Variants in PPP6R1 observed in about 807,000 individuals in gnomAD.
PPP6R1 encodes the protein serine/threonine-protein phosphatase 6 regulatory subunit 1.
A neutral mutation model predicts 104.6 loss-of-function variants in PPP6R1; 39 were observed. The observed-to-expected ratio is 0.37, with a 90% CI of 0.29 to 0.49. The LOEUF (loss-of-function observed/expected upper bound fraction) is 0.49. PPP6R1 is among the 20% of genes least tolerant of loss of function. PPP6R1 has a pLI of 0.98. For synonymous variants in PPP6R1, 549 were observed against 479.0 expected, an observed-to-expected ratio of 1.15 and a Z score of -1.91; for missense variants, 1,181 against 1,155.8, an observed-to-expected ratio of 1.02 and a Z score of -0.32.
Position 55,246,891 on chromosome 19 carries a change from C to T in PPP6R1, c.213G>A (p.Glu71=). Residue 71 remains glutamate, a synonymous_variant, in exon 2 of 24, where the codon GAG becomes GAA. Coordinates refer to ENST00000412770, the MANE Select transcript of PPP6R1 (RefSeq NM_014931.4). ...GGGGAACTCACTTGTAGCGCAGCCG[C>T]TCCTCACCGCTATCTGGCGGCTCCT... ...VTQEPPDSGE[E]RLRYKYPSVA... is the part of the protein sequence containing the mutation. 1 of 1,606,846 alleles carries T rather than the reference C, an allele frequency of 6.2e-7. No homozygotes were observed. Among genetic ancestry groups the T allele is most frequent in the African/African-American group, 1.3e-5 (1 of 74,940 alleles).
intron 5 of PPP6R1, among the ~76,000 whole-genome samples, chr19:55,244,016 T>C (rs1172418828): frequency 6.6e-6 from 1 of 152,198 alleles, no homozygotes; most frequent in Non-Finnish European, 1.5e-5. Context: ...CGCTGAATCG[T>C]AAGCTTCGGT....
rs1439099063 is a variant in PPP6R1, at chr19:55,231,997, G to A, written c.2126-15C>T. 5 of 1,604,966 alleles carry A rather than the reference G, an allele frequency of 3.1e-6. No homozygotes were observed. The highest frequency in any genetic ancestry group is 3.4e-6 in the Non-Finnish European group (4 of 1,174,180). On this transcript the variant is annotated splice_polypyrimidine_tract_variant and intron_variant, in intron 18 of 23. Transcript: ENST00000412770. ...CCAGCTGGGGCCTGGGATAGAGGTG[G>A]GGGAGCGGGATGGAGGGTGAACTCA...
In PPP6R1 at chr19:55,245,071, TG is replaced by T; in HGVS notation, c.618+48del. On this transcript the variant is annotated intron_variant, in intron 5 of 23. Transcript: ENST00000412770. The surrounding 1 kb of genome is among the most constrained non-coding windows in gnomAD (Gnocchi z 6.4). ...TCTTTTAAAAGTGGGGAAGTGGGCA[TG>T]GGGAAGGAACTCTAAGGGGAATCCG... 2 of 1,600,212 alleles carry T rather than the reference TG, an allele frequency of 1.2e-6. No individual in the cohort carries two copies. Among genetic ancestry groups the T allele is most frequent in the South Asian group, 1.1e-5 (1 of 88,962 alleles).
At chr19:55,240,514 TACACACACACACACACACACACAC>T (rs777717878) in intron 10 of PPP6R1, among the ~76,000 whole-genome samples, 2 of 135,932 alleles carry the variant, frequency 1.5e-5, no homozygotes, top group South Asian at 2.5e-4. Flanking sequence ...ATGTGGTGCA[TACACACACACACACACACACACAC>T]ACACACACAC....
At chr19:55,228,336 C>T (rs1337310136), downstream of PPP6R1, 1 of 1,613,916 alleles carries the variant, frequency 6.2e-7, no homozygotes, top group South Asian at 1.1e-5. Context: ...GGCACTTGAC[C>T]AGGGCAGCGA....
chr19:55,230,747 C>T (rs772332729), intron 22 of PPP6R1, 27 bp downstream of exon 22: 9 of 1,465,312 alleles, frequency 6.1e-6, no homozygotes, highest in South Asian at 1.3e-5. Context: ...CACCCCCACC[C>T]CCCCGCCCTG....
At chr19:55,242,808 C>A (rs541050077) in intron 5 of PPP6R1, among the ~76,000 whole-genome samples, 2 of 152,326 alleles carry the variant, frequency 1.3e-5, no homozygotes, top group African/African-American at 4.8e-5. Flanking sequence ...GCTGGTCTAT[C>A]CACACAGGAG....
Position 55,248,408 on chromosome 19 carries a change from C to T in PPP6R1, c.-6-1299G>A, listed in dbSNP as rs1208675585. On this transcript the variant is annotated intron_variant, in intron 1 of 23. Coordinates refer to ENST00000412770, the MANE Select transcript of PPP6R1 (RefSeq NM_014931.4). ...CAGTTAAGACACTGACCAGAGCTCACGCTCATTACCTGCCTCCTGACAACC... is the reference window on the plus strand; with the variant it reads ...CAGTTAAGACACTGACCAGAGCTCATGCTCATTACCTGCCTCCTGACAACC... Among the ~76,000 whole-genome samples, 10 of 152,368 alleles carry T rather than the reference C, an allele frequency of 6.6e-5. No homozygotes were observed. The East Asian group carries it at 9.6e-4, about 15-fold the overall frequency.
At position 55,230,600 on chromosome 19, in the gene PPP6R1, C is replaced by A. The variant is rs775891805; in HGVS notation, c.2642+13G>T. 1.2e-6 allele frequency: 2 copies of A among 1,612,604 alleles called. No individual in the cohort carries two copies. The highest frequency in any genetic ancestry group is 1.7e-6 in the Non-Finnish European group (2 of 1,179,286). On this transcript the variant is annotated intron_variant, in intron 23 of 23. Coordinates refer to ENST00000412770, the MANE Select transcript of PPP6R1 (RefSeq NM_014931.4). The stretch of plus-strand genomic sequence containing the variant: ...GCCCCACCTACCCAGCCCGAGGCTG[C>A]AGCCACACTCACTGGGAGCCTGGGG...
intron 16 of PPP6R1, 44 bp from the exon 17 acceptor site, chr19:55,236,865 C>T (rs758708637): frequency 6.2e-7 from 1 of 1,612,742 alleles, no homozygotes; most frequent in Non-Finnish European, 8.5e-7. Flanking sequence ...CTGCCCACAG[C>T]CCCACACCCC....
chr19:55,239,626 ACTC>A lies in PPP6R1; in HGVS notation c.1618_1620del (p.Glu540del). The A allele has an allele frequency of 1.2e-6, 2 of 1,611,842 alleles. No homozygotes were observed. Among genetic ancestry groups the A allele is most frequent in the Non-Finnish European group, 1.7e-6 (2 of 1,179,040 alleles). On this transcript the variant is annotated inframe_deletion, in exon 14 of 24. Transcript: ENST00000412770. ...AGCACAGCCTCCTCAGGGAAGTTGA[ACTC>A]CTTGAGCCGGTCGTCCTCATCGTCA...
intron 5 of PPP6R1, 138 bp from the exon 6 acceptor site, chr19:55,242,626 G>A (rs901222343): frequency 1.4e-6 from 1 of 718,110 alleles, no homozygotes; most frequent in Non-Finnish European, 2.4e-6. Context: ...TTACGAAGGA[G>A]GAGGGCACAG....
At chr19:55,242,350 A>G (rs1188429383) in intron 6 of PPP6R1, 26 bp downstream of exon 6, 3 of 1,612,028 alleles carry the variant, frequency 1.9e-6, no homozygotes, top group Non-Finnish European at 2.5e-6. Context: ...AGCTCCCCCC[A>G]GCCTTAGCCT....
At chr19:55,253,962 G>T (rs963189962) in intron 1 of PPP6R1, among the ~76,000 whole-genome samples, 5 of 152,218 alleles carry the variant, frequency 3.3e-5, no homozygotes, top group Non-Finnish European at 7.3e-5. Context: ...GCTAAAGCAG[G>T]TGGCCGTGAC....
intron 17 of PPP6R1, 134 bp downstream of exon 17, chr19:55,236,509 C>T (rs2087399680): frequency 3.9e-6 from 4 of 1,018,626 alleles, no homozygotes; most frequent in African/African-American, 3.2e-5. Context: ...AAAGTGCCCC[C>T]AACTAATACA....
At chr19:55,240,536 C>T (rs1443174388) in intron 10 of PPP6R1, among the ~76,000 whole-genome samples, 2 of 151,788 alleles carry the variant, frequency 1.3e-5, no homozygotes, top group African/African-American at 4.8e-5. Flanking sequence ...CACACACACA[C>T]ACACACACAC....
Position 55,255,485 on chromosome 19 carries a change from C to T in PPP6R1, c.-7+2950G>A, listed in dbSNP as rs75492978. 2.1e-3 allele frequency among the ~76,000 whole-genome samples: 325 copies of T among 152,168 alleles called. 2 individuals carry two copies. Among genetic ancestry groups the T allele is most frequent in the African/African-American group, 6.5e-3 (271 of 41,526 alleles). On this transcript the variant is annotated intron_variant, in intron 1 of 23. Coordinates refer to ENST00000412770, the MANE Select transcript of PPP6R1 (RefSeq NM_014931.4). ...CCCACCGAGCCCCAGTTTCCTTATC[C>T]GGGAAATACCTCACAGATGGGGTTA...
intron 1 of PPP6R1, among the ~76,000 whole-genome samples, chr19:55,257,986 C>T (rs985488354): frequency 2.0e-5 from 3 of 152,226 alleles, no homozygotes; most frequent in African/African-American, 7.2e-5. Flanking sequence ...CAGTCCTGAG[C>T]TCCGGGGATC....
downstream of PPP6R1, chr19:55,228,255 CTGGAGGAGCTGGG>C (rs2087302835): frequency 6.2e-7 from 1 of 1,612,580 alleles, no homozygotes; most frequent in Non-Finnish European, 8.5e-7. Context: ...CAAGGGCTCC[CTGGAGGAGCTGGG>C]TGTAGCCCCC....
Sources: allele counts gnomAD v4.1 joint callset (sites outside exome capture counted in the v4.1 genomes callset), GRCh38; gene constraint gnomAD v4.1.1; non-coding constraint Gnocchi (gnomAD v3.1); transcripts MANE v1.5; gene names NCBI Gene and HGNC (gene_info 2026-07-23, HGNC 2026-07-21).